DAB1: variants seen among roughly 807,000 people sequenced by gnomAD.
DAB1 encodes the protein disabled homolog 1.
A neutral mutation model predicts 64.6 loss-of-function variants in DAB1; 15 were observed. The observed-to-expected ratio is 0.23, with a 90% CI of 0.16 to 0.36. The LOEUF (loss-of-function observed/expected upper bound fraction) is 0.36. Among genes scored for constraint, DAB1 ranks in the 10% least tolerant of loss-of-function variants. The pLI, the probability that DAB1 is intolerant of heterozygous loss-of-function variation, is 1.00. For synonymous variants in DAB1, 235 were observed against 251.9 expected, an observed-to-expected ratio of 0.93 and a Z score of 0.64; for missense variants, 596 against 706.7, an observed-to-expected ratio of 0.84 and a Z score of 1.78.
At chr1:58,042,105 G>A (rs1180490244) in intron 5 of DAB1, among the ~76,000 whole-genome samples, 1 of 152,224 alleles carries the variant, frequency 6.6e-6, no homozygotes, top group Admixed American at 6.5e-5. Context: ...GTGGCTGGCT[G>A]TTGGGTTAAA....
intron 3 of DAB1, among the ~76,000 whole-genome samples, chr1:58,429,579 C>T (rs1644850330): frequency 6.6e-6 from 1 of 152,098 alleles, no homozygotes; most frequent in Non-Finnish European, 1.5e-5. Context: ...TTTGGGAACT[C>T]TCAGTACAGT....
At chr1:58,242,688 G>A (rs902832633) in intron 4 of DAB1, among the ~76,000 whole-genome samples, 2 of 152,066 alleles carry the variant, frequency 1.3e-5, no homozygotes, top group Non-Finnish European at 2.9e-5. Context: ...TGTCAGTGCT[G>A]GTCATTATTG....
Position 58,231,066 on chromosome 1 carries a change from G to C in DAB1, n.310-80478C>G, listed in dbSNP as rs72910439. Among the ~76,000 whole-genome samples, 1,419 of 152,272 alleles carry C rather than the reference G, an allele frequency of 9.3e-3. 19 individuals carry two copies. The highest frequency in any genetic ancestry group is 0.032 in the African/African-American group (1,348 of 41,540). Reference sequence around the variant, plus strand: ...TGCCAACTTCATAAGATTATTGTGAGGACTAAATTAGTTAACAAATGTAAA... The same window carrying C: ...TGCCAACTTCATAAGATTATTGTGACGACTAAATTAGTTAACAAATGTAAA... On this transcript the variant is annotated intron_variant and non_coding_transcript_variant, in intron 4 of 20. Coordinates refer to the DAB1 transcript ENST00000485760.
intron 2 of DAB1, among the ~76,000 whole-genome samples, chr1:57,176,672 G>T (rs1662348734): frequency 1.3e-5 from 2 of 152,074 alleles, no homozygotes; most frequent in African/African-American, 4.8e-5. Flanking sequence ...TGGCTGATTT[G>T]CTTCACTAAC....
chr1:58,026,460 G>A (rs747609057), intron 5 of DAB1, among the ~76,000 whole-genome samples: 6 of 152,108 alleles, frequency 3.9e-5, no homozygotes, highest in Non-Finnish European at 8.8e-5. Context: ...AGGCTGTTAT[G>A]GGGATTAACT....
chr1:57,226,672 A>ATATATATATAT (rs1553158266), intron 2 of DAB1, among the ~76,000 whole-genome samples: 20 of 135,998 alleles, frequency 1.5e-4, no homozygotes, highest in African/African-American at 5.6e-4. Context: ...TTAAAAAAAA[A>ATATATATATAT]ATATATATAT....
At chr1:57,190,914 A>C (rs966426642) in intron 2 of DAB1, among the ~76,000 whole-genome samples, 1 of 152,200 alleles carries the variant, frequency 6.6e-6, no homozygotes, top group Non-Finnish European at 1.5e-5. Context: ...AGGACTTCTG[A>C]TCTAAAGATG....
At chr1:58,410,700 C>T (rs1456996377) in intron 3 of DAB1, among the ~76,000 whole-genome samples, 1 of 152,128 alleles carries the variant, frequency 6.6e-6, no homozygotes, top group African/African-American at 2.4e-5. Flanking sequence ...TACTGTATGG[C>T]CTCATGTCTA....
chr1:57,344,179 A>C (rs1267522802), intron 1 of DAB1, among the ~76,000 whole-genome samples: 1 of 152,188 alleles, frequency 6.6e-6, no homozygotes, highest in African/African-American at 2.4e-5. Flanking sequence ...CAAACCCAAG[A>C]TGATCAGATT....
chr1:58,179,876 G>A lies in DAB1; in HGVS notation n.310-29288C>T, dbSNP rs1003376766. Among the ~76,000 whole-genome samples, 4 of 151,172 alleles carry A rather than the reference G, an allele frequency of 2.6e-5. No individual in the cohort carries two copies. In the East Asian group the frequency reaches 7.7e-4, roughly 29 times the overall value. On this transcript the variant is annotated intron_variant and non_coding_transcript_variant, in intron 4 of 20. Coordinates refer to the DAB1 transcript ENST00000485760. ...TTACAGTTGTCCCTTCATATCCATA[G>A]GTTCTACATCATTGAATTCAGCCAA... is the stretch of plus-strand genomic sequence containing the variant.
At chr1:57,517,517 A>T (rs1644477153) in intron 7 of DAB1, among the ~76,000 whole-genome samples, 1 of 152,202 alleles carries the variant, frequency 6.6e-6, no homozygotes, top group East Asian at 1.9e-4. Flanking sequence ...AAGGTGGGGG[A>T]AAAGAAAAGC....
At chr1:58,138,251 T>C (rs1176069283) in intron 5 of DAB1, among the ~76,000 whole-genome samples, 1 of 152,180 alleles carries the variant, frequency 6.6e-6, no homozygotes, top group Non-Finnish European at 1.5e-5. Flanking sequence ...AACTTGCCCT[T>C]AGTCATGCAG....
At chr1:58,530,789 A>T in intron 1 of DAB1, 1 of 812,800 alleles carries the variant, frequency 1.2e-6, no homozygotes, top group Non-Finnish European at 2.1e-6. Context: ...ATATGCTTAC[A>T]TTTTCTAGTT....
At chr1:58,170,480 A>G (rs1656104407) in intron 4 of DAB1, among the ~76,000 whole-genome samples, 1 of 152,150 alleles carries the variant, frequency 6.6e-6, no homozygotes, top group African/African-American at 2.4e-5. Flanking sequence ...GGCCCTGAAC[A>G]AAATCTGGAG....
At chr1:57,914,976 G>A (rs911553791) in intron 5 of DAB1, among the ~76,000 whole-genome samples, 1 of 151,998 alleles carries the variant, frequency 6.6e-6, no homozygotes, top group Non-Finnish European at 1.5e-5. Context: ...GCAGTAATTT[G>A]AAAAATGTAT....
intron 3 of DAB1, among the ~76,000 whole-genome samples, chr1:58,391,590 CTT>C (rs1214314383): frequency 6.6e-6 from 1 of 152,230 alleles, no homozygotes. Flanking sequence ...ACTCTCAACT[CTT>C]TCTTCCACTT....
intron 4 of DAB1, among the ~76,000 whole-genome samples, chr1:58,159,409 C>T (rs1655393593): frequency 6.6e-6 from 1 of 152,140 alleles, no homozygotes; most frequent in African/African-American, 2.4e-5. Context: ...ATATATGAGG[C>T]CCAAGAACAG....
intron 5 of DAB1, among the ~76,000 whole-genome samples, chr1:57,896,949 T>C (rs983626221): frequency 1.3e-5 from 2 of 152,206 alleles, no homozygotes; most frequent in African/African-American, 4.8e-5. Flanking sequence ...CTCATTATTA[T>C]AGCATTCAGG....
intron 6 of DAB1, among the ~76,000 whole-genome samples, chr1:57,722,284 A>G (rs576279006): frequency 2.0e-5 from 3 of 152,316 alleles, no homozygotes; most frequent in African/African-American, 7.2e-5. Context: ...CTTAGAATAT[A>G]GAGTCATATG....
Sources: gnomAD v4.1 joint callset for allele counts (sites outside exome capture counted in the v4.1 genomes callset) on GRCh38, gnomAD v4.1.1 for gene constraint, MANE v1.5 for transcripts, NCBI Gene and HGNC (gene_info 2026-07-23, HGNC 2026-07-21) for gene names.